RNF220: variants seen among roughly 807,000 people sequenced by gnomAD.
RNF220 encodes the protein E3 ubiquitin-protein ligase RNF220.
In RNF220, 7 loss-of-function variants were observed where a neutral mutation model predicts 67.1. That is an observed-to-expected ratio of 0.10 (90% CI 0.06 to 0.20). The LOEUF (loss-of-function observed/expected upper bound fraction) is 0.20. Ranked by LOEUF, RNF220 falls within the 10% of genes least tolerant of loss-of-function variation. The pLI is 1.00. For synonymous variants in RNF220, 270 were observed against 283.2 expected (o/e 0.95, Z 0.47); for missense variants, 565 against 740.3 (o/e 0.76, Z 2.75).
intron 2 of RNF220, among the ~76,000 whole-genome samples, chr1:44,551,174 G>T (rs573401796): frequency 1.4e-5 from 2 of 138,742 alleles, no homozygotes; most frequent in East Asian, 4.1e-4. Flanking sequence ...GAGTGCAATG[G>T]CATGATCCTG....
At chr1:44,615,361 C>T (rs990085626) in intron 3 of RNF220, among the ~76,000 whole-genome samples, 2 of 152,130 alleles carry the variant, frequency 1.3e-5, no homozygotes, top group East Asian at 1.9e-4. Flanking sequence ...ATACACCCCC[C>T]TTTTGATGGG....
intron 2 of RNF220, among the ~76,000 whole-genome samples, chr1:44,580,469 C>T (rs1401282675): frequency 6.6e-6 from 1 of 152,226 alleles, no homozygotes; most frequent in Non-Finnish European, 1.5e-5. Context: ...TTGTGTGGGA[C>T]AGAGATCAAA....
intron 2 of RNF220, among the ~76,000 whole-genome samples, chr1:44,535,717 G>A (rs561719204): frequency 2.6e-5 from 4 of 152,184 alleles, no homozygotes; most frequent in African/African-American, 7.2e-5. Flanking sequence ...ATCCTTCTGC[G>A]CAGCTCCTGG....
intron 2 of RNF220, among the ~76,000 whole-genome samples, chr1:44,517,083 A>G (rs1659511347): frequency 6.6e-6 from 1 of 152,070 alleles, no homozygotes; most frequent in African/African-American, 2.4e-5. Context: ...TCTCAAATGC[A>G]TTCCCTTCTC....
chr1:44,490,002 G>A (rs895094), intron 2 of RNF220, among the ~76,000 whole-genome samples: 121,930 of 152,130 alleles, frequency 0.8, 51,504 homozygotes, highest in Non-Finnish European at 0.92. Context: ...TACTTTGTTA[G>A]AACTAATTAC....
At chr1:44,614,131 C>A in intron 2 of RNF220, 34 bp from the exon 3 acceptor site, 1 of 1,613,014 alleles carries the variant, frequency 6.2e-7, no homozygotes. Context: ...ACTAGCCCAG[C>A]TTACGCGTCT....
At chr1:44,596,599 G>A (rs1666510840) in intron 2 of RNF220, among the ~76,000 whole-genome samples, 1 of 152,026 alleles carries the variant, frequency 6.6e-6, no homozygotes, top group Non-Finnish European at 1.5e-5. Flanking sequence ...CACAGAGTAA[G>A]CATTTGATTA....
At chr1:44,439,092 C>T (rs748706053) in intron 2 of RNF220, among the ~76,000 whole-genome samples, 6 of 152,136 alleles carry the variant, frequency 3.9e-5, no homozygotes, top group African/African-American at 7.2e-5. Flanking sequence ...TTTTGTCAAG[C>T]GTCTGATCAT....
chr1:44,525,766 C>T (rs1660322785), intron 2 of RNF220, among the ~76,000 whole-genome samples: 1 of 152,160 alleles, frequency 6.6e-6, no homozygotes, highest in Non-Finnish European at 1.5e-5. Flanking sequence ...TCCTGGGATC[C>T]TCTGCTGCAG....
chr1:44,557,891 C>T (rs1488030115), intron 2 of RNF220, among the ~76,000 whole-genome samples: 2 of 152,238 alleles, frequency 1.3e-5, no homozygotes, highest in African/African-American at 4.8e-5. Flanking sequence ...GGTGGTGAGT[C>T]ATCGACCCTT....
chr1:44,575,006 G>C (rs897016022), intron 2 of RNF220, among the ~76,000 whole-genome samples: 6 of 152,160 alleles, frequency 3.9e-5, no homozygotes, highest in East Asian at 1.9e-4. Flanking sequence ...TCATTTCTAC[G>C]TACTGGAAAC....
intron 2 of RNF220, 40 bp from the exon 3 acceptor site, chr1:44,614,125 G>A: frequency 6.2e-7 from 1 of 1,612,114 alleles, no homozygotes; most frequent in Non-Finnish European, 8.5e-7. Context: ...TCCTGGACTA[G>A]CCCAGCTTAC....
intron 2 of RNF220, among the ~76,000 whole-genome samples, chr1:44,521,634 A>G (rs925846567): frequency 1.6e-4 from 25 of 152,224 alleles, no homozygotes; most frequent in African/African-American, 6.0e-4. Context: ...TCCTTAGGCA[A>G]GTCTTCCTTG....
chr1:44,557,195 T>TATATA (rs1663176513), intron 2 of RNF220, among the ~76,000 whole-genome samples: 3 of 144,270 alleles, frequency 2.1e-5, no homozygotes, highest in African/African-American at 7.7e-5. Flanking sequence ...AATATATATT[T>TATATA]TATATATATA....
rs1190774429 is a variant in RNF220, at chr1:44,632,493, T to A, written c.949+108T>A. ...TGGGTCTCTTCGACTCTGGGGCCCGTTGGCTTCTTCGCAGTCACGGCGCCT... is the reference window on the plus strand; with the variant it reads ...TGGGTCTCTTCGACTCTGGGGCCCGATGGCTTCTTCGCAGTCACGGCGCCT... On this transcript the variant is annotated intron_variant, in intron 6 of 14. Coordinates refer to ENST00000361799, the MANE Select transcript of RNF220 (RefSeq NM_018150.4). The A allele has an allele frequency of 2.7e-6, 3 of 1,107,402 alleles. No homozygotes were observed. In the African/African-American group the frequency reaches 4.7e-5, roughly 17 times the overall value. The allele number at this position is 1,107,402 out of a possible 1,614,324, so 68.6% of individuals were successfully genotyped here.
At chr1:44,623,419 C>T (rs939539906) in intron 4 of RNF220, among the ~76,000 whole-genome samples, 4 of 152,218 alleles carry the variant, frequency 2.6e-5, no homozygotes. Context: ...AGCACAATGA[C>T]ATTTGTATCA....
intron 2 of RNF220, among the ~76,000 whole-genome samples, chr1:44,485,900 A>G: frequency 6.7e-6 from 1 of 148,970 alleles, no homozygotes; most frequent in Admixed American, 6.6e-5. Context: ...TGTTGTTACA[A>G]AATGTTCCCC....
At chr1:44,578,041 A>G (rs1664942765) in intron 2 of RNF220, among the ~76,000 whole-genome samples, 1 of 150,232 alleles carries the variant, frequency 6.7e-6, no homozygotes, top group Non-Finnish European at 1.5e-5. Flanking sequence ...CCTGGGCTCA[A>G]ACAACCCTCC....
rs560827516 is a variant in RNF220 at position 44,650,198 on chromosome 1, G to A, written c.1629+241G>A. ...CACTGCATTCTCCCTTCCCCGCCCC[G>A]GTCCCCGAAGGCCCACTGCATCACA... On this transcript the variant is annotated intron_variant, in intron 14 of 14. Coordinates refer to ENST00000361799, the MANE Select transcript of RNF220 (RefSeq NM_018150.4). This position sits in a 1 kb window ranked among gnomAD's most constrained non-coding sequence, Gnocchi z 4.3. 20 of 580,172 alleles carry A rather than the reference G, an allele frequency of 3.4e-5. No individual in the cohort carries two copies. Among genetic ancestry groups the A allele is most frequent in the East Asian group, 2.6e-4 (9 of 34,428 alleles). The allele number at this position is 580,172 out of a possible 1,614,324, so 35.9% of individuals were successfully genotyped here.
Sources: allele counts gnomAD v4.1 joint callset (sites outside exome capture counted in the v4.1 genomes callset), GRCh38; gene constraint gnomAD v4.1.1; non-coding constraint Gnocchi (gnomAD v3.1); transcripts MANE v1.5; gene names NCBI Gene and HGNC (gene_info 2026-07-23, HGNC 2026-07-21).